The following MDGA2 variants were observed in gnomAD, a reference collection of about 807,000 sequenced individuals.
MDGA2 encodes MAM domain-containing glycosylphosphatidylinositol anchor protein 2.
A neutral mutation model predicts 117.8 loss-of-function variants in MDGA2; 40 were observed. The ratio of observed to expected loss-of-function variants is 0.34; its 90% confidence interval spans 0.26 to 0.44. The LOEUF (loss-of-function observed/expected upper bound fraction) is 0.44, where lower values mean the gene tolerates loss of function less well. Among genes scored for constraint, MDGA2 ranks in the 20% least tolerant of loss-of-function variants. The probability of loss-of-function intolerance (pLI) is 1.00; values close to 1 mark genes in which losing one functional copy is unlikely to be tolerated. For missense variants in MDGA2, 1,123 were observed against 1,250.6 expected (o/e 0.90, Z 1.54); for synonymous variants, 452 against 439.0 (o/e 1.03, Z -0.37).
intron 3 of MDGA2, among the ~76,000 whole-genome samples, chr14:47,163,392 A>C (rs1159449348): frequency 6.6e-6 from 1 of 152,046 alleles, no homozygotes; most frequent in Non-Finnish European, 1.5e-5. Context: ...GGTGGGAATC[A>C]TGACTGAATC....
At chr14:47,191,968 A>G (rs992728618) in intron 3 of MDGA2, among the ~76,000 whole-genome samples, 4 of 152,172 alleles carry the variant, frequency 2.6e-5, no homozygotes, top group African/African-American at 9.6e-5. Flanking sequence ...TGAGTAACTG[A>G]CTGCTTGCAC....
intron 1 of MDGA2, among the ~76,000 whole-genome samples, chr14:47,530,082 A>G (rs1373590523): frequency 6.6e-6 from 1 of 152,240 alleles, no homozygotes; most frequent in East Asian, 1.9e-4. Flanking sequence ...ACAGACGTGT[A>G]GTCAGGGAGG....
At chr14:47,460,429 C>T (rs1054712025) in intron 1 of MDGA2, among the ~76,000 whole-genome samples, 38 of 151,880 alleles carry the variant, frequency 2.5e-4, no homozygotes, top group Admixed American at 2.2e-3. Context: ...ACAACATTTA[C>T]AATTTGGTGT....
chr14:47,503,454 GCT>G (rs1349826765), intron 1 of MDGA2, among the ~76,000 whole-genome samples: 1 of 133,296 alleles, frequency 7.5e-6, no homozygotes, highest in East Asian at 2.1e-4. Flanking sequence ...ATGGAGTCTC[GCT>G]CTGTTGCCCA....
chr14:47,123,386 G>A (rs926034041), intron 5 of MDGA2, among the ~76,000 whole-genome samples: 14 of 152,052 alleles, frequency 9.2e-5, no homozygotes, highest in African/African-American at 3.1e-4. Flanking sequence ...AACCAAAGTT[G>A]AAACCTCTTA....
In MDGA2 at chr14:47,623,821, A is replaced by T. The variant is rs559135646; in HGVS notation, c.280+50696T>A. 2.6e-3 allele frequency among the ~76,000 whole-genome samples: 391 copies of T among 152,354 alleles called. 1 individual carries two copies. The highest frequency in any genetic ancestry group is 8.9e-3 in the African/African-American group (372 of 41,580). ...CCCCTTTGATGTGTGCCACTTAAAC[A>T]ATCTATGCAGAAAAGTCAGAAGCAT... On this transcript the variant is annotated intron_variant, in intron 1 of 16. Transcript: ENST00000399232.
At chr14:47,555,947 A>T (rs1895674323) in intron 1 of MDGA2, among the ~76,000 whole-genome samples, 1 of 152,194 alleles carries the variant, frequency 6.6e-6, no homozygotes, top group African/African-American at 2.4e-5. Context: ...CTGCAAACAA[A>T]CAAAATTGTT....
intron 10 of MDGA2, among the ~76,000 whole-genome samples, chr14:46,901,266 C>T (rs561162152): frequency 1.4e-4 from 22 of 151,946 alleles, no homozygotes; most frequent in Non-Finnish European, 2.2e-4. Context: ...CACACCAACA[C>T]GGCACATGTA....
chr14:47,654,796 A>G (rs908256388), intron 1 of MDGA2, among the ~76,000 whole-genome samples: 5 of 152,106 alleles, frequency 3.3e-5, no homozygotes, highest in Admixed American at 1.3e-4. Context: ...GAAGAAGAAA[A>G]AAGACTGTGC....
intron 1 of MDGA2, among the ~76,000 whole-genome samples, chr14:47,361,637 T>C (rs1891128155): frequency 6.6e-6 from 1 of 152,090 alleles, no homozygotes; most frequent in South Asian, 2.1e-4. Flanking sequence ...TCCAGTGCCT[T>C]CTAATGGGCT....
chr14:47,398,092 G>C (rs1322956791), intron 1 of MDGA2, among the ~76,000 whole-genome samples: 1 of 152,096 alleles, frequency 6.6e-6, no homozygotes, highest in African/African-American at 2.4e-5. Context: ...ACGCTACTGA[G>C]GTCACATGAT....
intron 1 of MDGA2, among the ~76,000 whole-genome samples, chr14:47,640,064 G>C (rs1484958155): frequency 2.0e-5 from 3 of 152,156 alleles, no homozygotes; most frequent in Non-Finnish European, 4.4e-5. Flanking sequence ...CAGAACTATA[G>C]CAAGCTTCCT....
At chr14:47,591,665 A>G (rs113148685) in intron 1 of MDGA2, among the ~76,000 whole-genome samples, 5,108 of 152,164 alleles carry the variant, frequency 0.034, 287 homozygotes, top group African/African-American at 0.11. Flanking sequence ...AACATAATTC[A>G]TCACATAAAC....
rs532630420 is a variant in MDGA2, at chr14:47,500,306, A to G, written c.280+174211T>C. Among the ~76,000 whole-genome samples, 10 of 152,210 alleles carry G rather than the reference A, an allele frequency of 6.6e-5. No homozygotes were observed. The South Asian group carries it at 8.3e-4, about 13-fold the overall frequency. On this transcript the variant is annotated intron_variant, in intron 1 of 16. Coordinates refer to ENST00000399232, the MANE Select transcript of MDGA2 (RefSeq NM_001113498.3). ...CAGGAATTCTTTCCCTATTTAGGTTATTTTGTATATGATTACAGTTGTAAC... is the reference window on the plus strand; with the variant it reads ...CAGGAATTCTTTCCCTATTTAGGTTGTTTTGTATATGATTACAGTTGTAAC...
chr14:47,426,358 T>C (rs79320209), intron 1 of MDGA2, among the ~76,000 whole-genome samples: 7 of 152,154 alleles, frequency 4.6e-5, no homozygotes, highest in Non-Finnish European at 5.9e-5. Flanking sequence ...CATTGGGATC[T>C]CTTTCAGAAG....
intron 6 of MDGA2, among the ~76,000 whole-genome samples, chr14:47,084,586 A>C (rs1890829116): frequency 6.6e-6 from 1 of 152,140 alleles, no homozygotes; most frequent in South Asian, 2.1e-4. Context: ...TGTTTTCCCA[A>C]CATTTCTTTT....
At chr14:47,628,814 G>A (rs994343982) in intron 1 of MDGA2, among the ~76,000 whole-genome samples, 5 of 152,224 alleles carry the variant, frequency 3.3e-5, no homozygotes, top group African/African-American at 7.2e-5. Context: ...ACGCTTAAGC[G>A]TAGCTTTAGA....
At chr14:47,286,750 T>A (rs1483827404) in intron 2 of MDGA2, among the ~76,000 whole-genome samples, 1 of 139,436 alleles carries the variant, frequency 7.2e-6, no homozygotes, top group Non-Finnish European at 1.6e-5. Flanking sequence ...AGAATGCTAT[T>A]GAAAAGTATA....
chr14:46,975,625 A>T (rs1040895062), intron 8 of MDGA2, among the ~76,000 whole-genome samples: 1 of 152,182 alleles, frequency 6.6e-6, no homozygotes, highest in Non-Finnish European at 1.5e-5. Context: ...TCACTCACAT[A>T]GAGTACTTAG....
Sources: gnomAD v4.1 joint callset for allele counts (sites outside exome capture counted in the v4.1 genomes callset) on GRCh38, gnomAD v4.1.1 for gene constraint, MANE v1.5 for transcripts, NCBI Gene and HGNC (gene_info 2026-07-23, HGNC 2026-07-21) for gene names.